The following TIAM1 variants were observed in gnomAD, a reference collection of about 807,000 sequenced individuals.
TIAM1 encodes rho guanine nucleotide exchange factor TIAM1.
Under a neutral mutation model 163.5 loss-of-function variants are expected in TIAM1, and 65 were observed. That is an observed-to-expected ratio of 0.40 (90% CI 0.33 to 0.49). The LOEUF (loss-of-function observed/expected upper bound fraction) is 0.49. TIAM1 is among the 20% of genes least tolerant of loss of function. The pLI, the probability that TIAM1 is intolerant of heterozygous loss-of-function variation, is 0.77. For synonymous variants in TIAM1, 833 were observed against 810.1 expected, an observed-to-expected ratio of 1.03 and a Z score of -0.48; for missense variants, 1,789 against 2,044.7, an observed-to-expected ratio of 0.87 and a Z score of 2.41.
intron 2 of TIAM1, among the ~76,000 whole-genome samples, chr21:31,418,499 G>A (rs762728057): frequency 6.6e-6 from 1 of 152,060 alleles, no homozygotes; most frequent in African/African-American, 2.4e-5. Context: ...TTGGATTTAA[G>A]AAAATGGCCA....
chr21:31,239,302 T>G (rs2071048271), intron 6 of TIAM1, among the ~76,000 whole-genome samples: 1 of 152,046 alleles, frequency 6.6e-6, no homozygotes, highest in Non-Finnish European at 1.5e-5. Flanking sequence ...TTTTTTATTT[T>G]TATTTTTTGG....
chr21:31,212,070 A>T (rs1032305781), intron 10 of TIAM1, among the ~76,000 whole-genome samples: 1 of 152,200 alleles, frequency 6.6e-6, no homozygotes, highest in Non-Finnish European at 1.5e-5. Context: ...CAAAAACTGA[A>T]TTTCTTCAAA....
Position 31,181,924 on chromosome 21 carries a change from A to G in TIAM1, c.2887+497T>C, listed in dbSNP as rs535270634. Among the ~76,000 whole-genome samples, 21 of 149,656 alleles carry G rather than the reference A, an allele frequency of 1.4e-4. No homozygotes were observed. The South Asian group carries it at 2.5e-3, about 18-fold the overall frequency. ...CTCAGCCTCCCAAGTAGCTGGAACT[A>G]CAGATGCTCTCCACTATGCCCAGCT... On this transcript the variant is annotated intron_variant, in intron 15 of 27. Transcript: ENST00000541036.
intron 22 of TIAM1, among the ~76,000 whole-genome samples, chr21:31,136,851 T>C (rs1281096683): frequency 6.6e-6 from 1 of 152,256 alleles, no homozygotes; most frequent in Non-Finnish European, 1.5e-5. Flanking sequence ...AAATTATTTC[T>C]TCTTCCAATC....
At chr21:31,434,599 A>G (rs1020237097) in intron 2 of TIAM1, among the ~76,000 whole-genome samples, 1 of 152,240 alleles carries the variant, frequency 6.6e-6, no homozygotes, top group African/African-American at 2.4e-5. Flanking sequence ...AAATTCAGAC[A>G]TGCTCTTATA....
intron 2 of TIAM1, among the ~76,000 whole-genome samples, chr21:31,291,083 C>T (rs1214232556): frequency 2.0e-5 from 3 of 152,118 alleles, no homozygotes; most frequent in Admixed American, 6.5e-5. Flanking sequence ...GGCTCATCTC[C>T]ACCCACCACA....
chr21:31,550,987 TG>T lies in TIAM1; in HGVS notation c.-422+7939del, dbSNP rs2048665875. Among the ~76,000 whole-genome samples, 3 of 146,692 alleles carry T rather than the reference TG, an allele frequency of 2.0e-5. No homozygotes were observed. In the South Asian group the frequency reaches 6.5e-4, roughly 32 times the overall value. ...GCACTTTGGGAGGCTTGGAGGAGAGTGGATCATGAGGTCAGGAGTTCAAGAC... is the reference window on the plus strand; with the variant it reads ...GCACTTTGGGAGGCTTGGAGGAGAGTGATCATGAGGTCAGGAGTTCAAGAC... On this transcript the variant is annotated intron_variant, in intron 1 of 28. Coordinates refer to the TIAM1 transcript ENST00000286827.
At chr21:31,151,524 AT>A (rs1200399241) in intron 19 of TIAM1, among the ~76,000 whole-genome samples, 1 of 152,162 alleles carries the variant, frequency 6.6e-6, no homozygotes, top group African/African-American at 2.4e-5. Context: ...CATATTTAAC[AT>A]AACAGGGAGC....
chr21:31,217,468 C>G (rs1569045910), intron 9 of TIAM1, 85 bp downstream of exon 9: 1 of 1,533,454 alleles, frequency 6.5e-7, no homozygotes, highest in Non-Finnish European at 8.8e-7. Flanking sequence ...CACTCGGCCT[C>G]ACTGAAGAAA....
At chr21:31,421,131 A>T (rs896093466) in intron 2 of TIAM1, among the ~76,000 whole-genome samples, 2 of 110,684 alleles carry the variant, frequency 1.8e-5, no homozygotes, top group Non-Finnish European at 3.5e-5. Flanking sequence ...ACTTCCTCTT[A>T]AAAAAAAAAA....
At chr21:31,423,345 G>A (rs1228104866) in intron 2 of TIAM1, among the ~76,000 whole-genome samples, 5 of 151,732 alleles carry the variant, frequency 3.3e-5, no homozygotes, top group South Asian at 2.1e-4. Context: ...TGATCCCCTC[G>A]CCTCGGCCTC....
chr21:31,387,599 G>C (rs1437002181), intron 2 of TIAM1, among the ~76,000 whole-genome samples: 1 of 152,086 alleles, frequency 6.6e-6, no homozygotes, highest in Non-Finnish European at 1.5e-5. Context: ...AGAGGAATCA[G>C]TCCTTGTCCC....
chr21:31,190,874 T>C (rs773542684), intron 13 of TIAM1, among the ~76,000 whole-genome samples: 1 of 152,216 alleles, frequency 6.6e-6, no homozygotes, highest in Non-Finnish European at 1.5e-5. Context: ...AAGCAGCATA[T>C]GATCTGTATT....
intron 2 of TIAM1, among the ~76,000 whole-genome samples, chr21:31,290,010 C>A (rs2073958523): frequency 6.6e-6 from 1 of 151,968 alleles, no homozygotes; most frequent in South Asian, 2.1e-4. Flanking sequence ...CATCACCATT[C>A]AAAAAAATAG....
At chr21:31,208,987 T>C (rs985006584) in intron 11 of TIAM1, among the ~76,000 whole-genome samples, 1 of 152,148 alleles carries the variant, frequency 6.6e-6, no homozygotes, top group African/African-American at 2.4e-5. Flanking sequence ...GAAGACCAAT[T>C]CACTCCCCTA....
chr21:31,203,452 T>C (rs1031910974), intron 11 of TIAM1, among the ~76,000 whole-genome samples: 4 of 152,262 alleles, frequency 2.6e-5, no homozygotes, highest in African/African-American at 4.8e-5. Context: ...AATGGGGGTA[T>C]AAAGTTTCTA....
chr21:31,466,021 A>ATATTCAG (rs2045520518), intron 1 of TIAM1, among the ~76,000 whole-genome samples: 1 of 152,190 alleles, frequency 6.6e-6, no homozygotes, highest in Non-Finnish European at 1.5e-5. Context: ...ACAGGTCTTG[A>ATATTCAG]TATTCAGGCG....
intron 2 of TIAM1, among the ~76,000 whole-genome samples, chr21:31,351,855 G>T (rs550605772): frequency 6.6e-6 from 1 of 152,174 alleles, no homozygotes; most frequent in Admixed American, 6.5e-5. Flanking sequence ...ATCACCTGAG[G>T]TCAGGAGTTC....
At chr21:31,447,363 G>A (rs556221811) in intron 2 of TIAM1, among the ~76,000 whole-genome samples, 2 of 152,224 alleles carry the variant, frequency 1.3e-5, no homozygotes, top group Admixed American at 1.3e-4. Context: ...TTGAGCATAG[G>A]AGGTCAAGCC....
Sources: gnomAD v4.1 joint callset for allele counts (sites outside exome capture counted in the v4.1 genomes callset) on GRCh38, gnomAD v4.1.1 for gene constraint, MANE v1.5 for transcripts, NCBI Gene and HGNC (gene_info 2026-07-23, HGNC 2026-07-21) for gene names.